Variants in FBXL18 observed in about 807,000 individuals in gnomAD.
FBXL18 encodes F-box/LRR-repeat protein 18.
A neutral mutation model predicts 46.0 loss-of-function variants in FBXL18; 36 were observed. That is an observed-to-expected ratio of 0.78 (90% CI 0.60 to 1.03). The LOEUF (loss-of-function observed/expected upper bound fraction) is 1.03. Among genes scored for constraint, FBXL18 ranks in the 50% least tolerant of loss-of-function variants. FBXL18 has a pLI of 0.00. For synonymous variants in FBXL18, 557 were observed against 465.3 expected, an observed-to-expected ratio of 1.20 and a Z score of -2.54; for missense variants, 977 against 1,004.1, an observed-to-expected ratio of 0.97 and a Z score of 0.36.
At chr7:5,504,729 C>T (rs1784349694) in intron 2 of FBXL18, among the ~76,000 whole-genome samples, 1 of 149,046 alleles carries the variant, frequency 6.7e-6, no homozygotes, top group Non-Finnish European at 1.5e-5. Context: ...TCCTGGCTAA[C>T]ACAGTGAAAC....
intron 4 of FBXL18, among the ~76,000 whole-genome samples, chr7:5,484,328 G>T (rs574169351): frequency 6.6e-6 from 1 of 152,052 alleles, no homozygotes; most frequent in Non-Finnish European, 1.5e-5. Context: ...AAAATTAGCC[G>T]GGCGTGGTGG....
In FBXL18 at chr7:5,485,737, G is replaced by C. The variant is rs936501836; in HGVS notation, c.2001-3806C>G. ...AGCCTGACCAACATGGAGAAACCCT[G>C]TCTCTACTAAAAATTCAAAATTAGC... On this transcript the variant is annotated intron_variant, in intron 4 of 4. Transcript: ENST00000382368. Among the ~76,000 whole-genome samples, 6 of 151,916 alleles carry C rather than the reference G, an allele frequency of 3.9e-5. No individual in the cohort carries two copies. In the East Asian group the frequency reaches 1.2e-3, roughly 29 times the overall value.
chr7:5,471,401 C>G (rs1233801616), downstream of FBXL18, among the ~76,000 whole-genome samples: 1 of 152,170 alleles, frequency 6.6e-6, no homozygotes, highest in Non-Finnish European at 1.5e-5. Flanking sequence ...CTCAGCCTCC[C>G]AAGTAGCTGG....
At chr7:5,502,628 C>T (rs1407230632) in intron 2 of FBXL18, among the ~76,000 whole-genome samples, 2 of 151,922 alleles carry the variant, frequency 1.3e-5, no homozygotes, top group East Asian at 1.9e-4. Context: ...GTCAGGAGGT[C>T]GAGACCATCC....
intron 3 of FBXL18, among the ~76,000 whole-genome samples, chr7:5,494,065 G>T (rs1007574605): frequency 6.6e-6 from 1 of 152,058 alleles, no homozygotes; most frequent in African/African-American, 2.4e-5. Context: ...CTGAAATCGG[G>T]AGTTTGAGAC....
chr7:5,462,995 T>TATATAA (rs1309862413), intron 4 of FBXL18, among the ~76,000 whole-genome samples: 49 of 31,808 alleles, frequency 1.5e-3, no homozygotes, highest in African/African-American at 4.0e-3. Flanking sequence ...TATATATATA[T>TATATAA]AATATATATA....
chr7:5,502,035 CG>C lies in FBXL18; in HGVS notation c.238-5del. The stretch of plus-strand genomic sequence containing the variant: ...GCCTCACTTTGTCCTCGCTCGCCTG[CG>C]GGACAGAGGCAGGGTGGGGAGAGGA... On this transcript the variant is annotated splice_region_variant and splice_polypyrimidine_tract_variant and intron_variant, in intron 2 of 4. Transcript: ENST00000382368. The C allele has an allele frequency of 6.4e-7, 1 of 1,570,892 alleles. No homozygotes were observed. Among genetic ancestry groups the C allele is most frequent in the Non-Finnish European group, 8.6e-7 (1 of 1,156,918 alleles).
chr7:5,464,683 A>AC (rs61390815), intron 4 of FBXL18, among the ~76,000 whole-genome samples: 22 of 140,424 alleles, frequency 1.6e-4, no homozygotes, highest in Non-Finnish European at 4.6e-5. Context: ...AAAAAAAAAA[A>AC]CACTAAGATG....
chr7:5,461,313 T>G (rs982900845), intron 4 of FBXL18, among the ~76,000 whole-genome samples: 12 of 152,350 alleles, frequency 7.9e-5, no homozygotes, highest in Admixed American at 5.2e-4. Flanking sequence ...CTACCTGTAA[T>G]CCCAGCGCTT....
At chr7:5,475,588 C>T (rs564129640), downstream of FBXL18, among the ~76,000 whole-genome samples, 6 of 152,322 alleles carry the variant, frequency 3.9e-5, no homozygotes, top group East Asian at 5.8e-4. The surrounding 1 kb of genome is among the most constrained non-coding windows in gnomAD (Gnocchi z 4.2). Context: ...TCTCAGCTGT[C>T]ACCTCCTGAT....
intron 2 of FBXL18, among the ~76,000 whole-genome samples, chr7:5,503,739 T>A (rs1472406226): frequency 1.3e-5 from 2 of 151,394 alleles, no homozygotes; most frequent in Non-Finnish European, 2.9e-5. Context: ...GAGGCTGAAA[T>A]GGGCGGATCA....
intron 3 of FBXL18, among the ~76,000 whole-genome samples, chr7:5,492,336 G>A (rs1310239406): frequency 6.6e-6 from 1 of 151,764 alleles, no homozygotes; most frequent in Non-Finnish European, 1.5e-5. Context: ...GGAGAACCAG[G>A]CTGTGGGACT....
chr7:5,489,554 A>G (rs949770508), intron 4 of FBXL18: 1 of 298,986 alleles, frequency 3.3e-6, no homozygotes, highest in Non-Finnish European at 6.6e-6. Flanking sequence ...GCAGATCATG[A>G]GGTCAGGAGA....
At chr7:5,471,730 C>T (rs1041078318), downstream of FBXL18, among the ~76,000 whole-genome samples, 4 of 152,216 alleles carry the variant, frequency 2.6e-5, no homozygotes, top group African/African-American at 9.7e-5. Context: ...GGCGGCTTCA[C>T]ACACTCAGTC....
chr7:5,482,534 G>A (rs1310571368), intron 4 of FBXL18, among the ~76,000 whole-genome samples: 3 of 31,350 alleles, frequency 9.6e-5, no homozygotes, highest in East Asian at 8.1e-4. Flanking sequence ...ACCAGCCCCC[G>A]CCACGCTGTG....
At chr7:5,507,300 C>G (rs916113054) in intron 1 of FBXL18, among the ~76,000 whole-genome samples, 4 of 152,180 alleles carry the variant, frequency 2.6e-5, no homozygotes, top group Non-Finnish European at 4.4e-5. Context: ...GGAACTCTGA[C>G]TGCGACAGTC....
chr7:5,462,237 TAAAAG>T (rs1252997650), intron 4 of FBXL18, among the ~76,000 whole-genome samples: 1 of 151,722 alleles, frequency 6.6e-6, no homozygotes, highest in Non-Finnish European at 1.5e-5. Flanking sequence ...CCAAAAAAGA[TAAAAG>T]AAAAGAAACA....
At chr7:5,499,089 C>T (rs1346830255) in intron 3 of FBXL18, among the ~76,000 whole-genome samples, 2 of 152,126 alleles carry the variant, frequency 1.3e-5, no homozygotes, top group African/African-American at 4.8e-5. Context: ...TGTTGTTCCA[C>T]CTCCTCCCCG....
chr7:5,489,613 A>C (rs537628764), intron 4 of FBXL18: 2 of 211,476 alleles, frequency 9.5e-6, no homozygotes, highest in South Asian at 1.3e-4. Flanking sequence ...TACTAAAAAA[A>C]AAAAAAATAC....
Sources: allele counts gnomAD v4.1 joint callset (sites outside exome capture counted in the v4.1 genomes callset), GRCh38; gene constraint gnomAD v4.1.1; non-coding constraint Gnocchi (gnomAD v3.1); transcripts MANE v1.5; gene names NCBI Gene and HGNC (gene_info 2026-07-23, HGNC 2026-07-21).